Variants in ZNF677 observed in about 807,000 individuals in gnomAD.
The protein encoded by ZNF677 is zinc finger protein 677.
ZNF677 carries 5 observed loss-of-function variants against 8.1 expected under a neutral mutation model. The ratio of observed to expected loss-of-function variants is 0.62; its 90% CI spans 0.32 to 1.29. The LOEUF (loss-of-function observed/expected upper bound fraction) is 1.29, where lower values mean the gene tolerates loss of function less well. Among genes scored for constraint, ZNF677 ranks in the 50% most tolerant of loss-of-function variants. The pLI, the probability that ZNF677 is intolerant of heterozygous loss-of-function variation, is 0.05. For missense variants in ZNF677, 685 were observed against 685.9 expected (o/e 1.00, Z 0.01); for synonymous variants, 221 against 225.6 (o/e 0.98, Z 0.18).
In ZNF677 at chr19:53,237,643, G is replaced by C. The variant is rs1480795074; in HGVS notation, c.1084C>G (p.Leu362Val). Residue 362 changes from leucine to valine, a missense_variant, in exon 5 of 5, where the codon CTT (leucine) becomes GTT (valine). Leu to Val is a conservative substitution (Grantham distance 32). Transcript: ENST00000598513. The stretch of plus-strand genomic sequence containing the variant: ...GTATGAATTCTTTCATGACCCCAAA[G>C]GTGTGAACGCTGGATAAATGCCTTA... ...CGKAFIQRSH[L>V]WGHERIHTGE... 1.6e-5 allele frequency: 26 copies of C among 1,613,350 alleles called. No individual in the cohort carries two copies. The highest frequency in any genetic ancestry group is 2.2e-5 in the Non-Finnish European group (26 of 1,179,760).
rs2090996642 is a variant in ZNF677, at chr19:53,238,213, G to A, written c.514C>T (p.Leu172=). The change falls in exon 5 of 5, where the codon CTG becomes TTG. Residue 172 remains leucine (L), a synonymous_variant. Coordinates refer to ENST00000598513, the MANE Select transcript of ZNF677 (RefSeq NM_182609.4). ...CCGGCATACCTTATGTTATTTTTCA[G>A]TTTTAACAAATTCCTTATAAATGGC... ...DKPFIRNLLK[L]KNNIRYAGNK... 3 of 1,613,674 alleles carry A rather than the reference G, an allele frequency of 1.9e-6. No individual in the cohort carries two copies. In the African/African-American group the frequency reaches 4.0e-5, roughly 22 times the overall value.
At position 53,242,440 on chromosome 19, in the gene ZNF677, C is replaced by A. The variant is rs554463204; in HGVS notation, c.169+1304G>T. On this transcript the variant is annotated intron_variant, in intron 4 of 4. Coordinates refer to ENST00000598513, the MANE Select transcript of ZNF677 (RefSeq NM_182609.4). ...CTGTCCACAGGCTGCAAGGTGAGAA[C>A]CTAAAAGAATGAGATATATTCCCAT... The A allele has an allele frequency of 3.3e-5, 13 of 398,496 alleles. 1 individual carries two copies. In the South Asian group the frequency reaches 1.5e-3, roughly 47 times the overall value. The allele number at this position is 398,496 out of a possible 1,614,324, so 24.7% of individuals were successfully genotyped here.
intron 4 of ZNF677, chr19:53,243,478 C>T: frequency 4.0e-6 from 2 of 499,500 alleles, no homozygotes; most frequent in African/African-American, 2.0e-5. Context: ...GGGATAAAAC[C>T]ATGATACCAG....
rs2091235191 is a variant in ZNF677 at position 53,251,613 on chromosome 19, T to TA, written c.-55-9_-55-8insT. 8.7e-6 allele frequency: 14 copies of TA among 1,608,200 alleles called. No individual in the cohort carries two copies. Among genetic ancestry groups the TA allele is most frequent in the Middle Eastern group, 1.6e-4 (1 of 6,074 alleles). ...TTTCTCAGGTAAGTCAGTCTGTATG[T>TA]CAAAAATATGTTGTTTAATGCTTAA... On this transcript the variant is annotated splice_polypyrimidine_tract_variant and intron_variant, in intron 2 of 4. Coordinates refer to ENST00000598513, the MANE Select transcript of ZNF677 (RefSeq NM_182609.4).
At chr19:53,241,292 ACTG>A (rs2091045819) in intron 4 of ZNF677, 1 of 152,226 alleles carries the variant, frequency 6.6e-6, no homozygotes, top group African/African-American at 2.4e-5. Context: ...AAAACATGTA[ACTG>A]CTGATTAAAT....
Position 53,245,504 on chromosome 19 carries a change from A to G in ZNF677, c.16-1607T>C, listed in dbSNP as rs1048258700. ...CATTTTTTCCAAAGAGAATATAAAA[A>G]TGGCCATTAGGTACATGAAAAGGTG... On this transcript the variant is annotated intron_variant, in intron 3 of 4. Transcript: ENST00000598513. Among the ~76,000 whole-genome samples, 4 of 152,186 alleles carry G rather than the reference A, an allele frequency of 2.6e-5. No individual in the cohort carries two copies. In the East Asian group the frequency reaches 5.8e-4, roughly 22 times the overall value.
intron 2 of ZNF677, among the ~76,000 whole-genome samples, chr19:53,252,353 G>C (rs2091248405): frequency 6.6e-6 from 1 of 152,158 alleles, no homozygotes; most frequent in African/African-American, 2.4e-5. Context: ...CCACGTTACA[G>C]GTGGGCACAC....
intron 1 of ZNF677, among the ~76,000 whole-genome samples, chr19:53,254,321 A>G (rs532304687): frequency 1.3e-5 from 2 of 148,822 alleles, no homozygotes; most frequent in East Asian, 4.0e-4. Context: ...CTTTCTGCTC[A>G]TTTGGCTTCC....
At chr19:53,242,702 A>G (rs546722337) in intron 4 of ZNF677, 28 of 309,404 alleles carry the variant, frequency 9.0e-5, no homozygotes, top group African/African-American at 5.6e-4. Flanking sequence ...TCTTGCAGGT[A>G]TAAGAAATAG....
At chr19:53,250,354 G>A (rs1256409455) in intron 3 of ZNF677, among the ~76,000 whole-genome samples, 1 of 152,128 alleles carries the variant, frequency 6.6e-6, no homozygotes, top group African/African-American at 2.4e-5. Context: ...CCCATCATGC[G>A]TGCATGAACA....
In ZNF677 at chr19:53,237,188, T is replaced by G; in HGVS notation, c.1539A>C (p.Lys513Asn). ...TQHKKIHTGE[K>N]PYKCTECGKA... is the part of the protein sequence containing the mutation. ...TGCCACATTCAGTACATTTGTAAGGTTTCTCTCCAGTATGGATTTTCTTAT... is the reference window on the plus strand; with the variant it reads ...TGCCACATTCAGTACATTTGTAAGGGTTCTCTCCAGTATGGATTTTCTTAT... Residue 513 changes from lysine (K) to asparagine (N), a missense_variant, in exon 5 of 5, where the codon AAA (lysine) becomes AAC (asparagine). Lys to Asn is a moderately conservative substitution (Grantham distance 94). Transcript: ENST00000598513. The G allele has an allele frequency of 1.2e-6, 2 of 1,612,682 alleles. No individual in the cohort carries two copies. Among genetic ancestry groups the G allele is most frequent in the South Asian group, 2.2e-5 (2 of 91,034 alleles).
chr19:53,251,655 G>A (rs777053459), intron 2 of ZNF677, 50 bp from the exon 3 acceptor site: 2 of 1,351,472 alleles, frequency 1.5e-6, no homozygotes, highest in Admixed American at 1.9e-5. Context: ...CACACCCCCT[G>A]CCTCTACCAC....
intron 3 of ZNF677, among the ~76,000 whole-genome samples, chr19:53,245,281 A>G (rs2091117989): frequency 6.6e-6 from 1 of 152,214 alleles, no homozygotes; most frequent in Non-Finnish European, 1.5e-5. Flanking sequence ...GACCAGTGGG[A>G]CTACATCAAA....
intron 2 of ZNF677, among the ~76,000 whole-genome samples, 167 bp downstream of exon 2, chr19:53,252,919 A>C (rs2146973535): frequency 6.6e-6 from 1 of 152,340 alleles, no homozygotes; most frequent in Non-Finnish European, 1.5e-5. Flanking sequence ...CCAAAAACTT[A>C]ACTACTGATA....
At chr19:53,242,276 G>T (rs371438262) in intron 4 of ZNF677, 6 of 398,588 alleles carry the variant, frequency 1.5e-5, no homozygotes, top group Middle Eastern at 6.3e-4. Context: ...AATCTTAGAA[G>T]AATATGGAAT....
chr19:53,238,319 A>G lies in ZNF677; in HGVS notation c.408T>C (p.His136=). 6.2e-7 allele frequency: 1 copy of G among 1,613,494 alleles called. No homozygotes were observed. Among genetic ancestry groups the G allele is most frequent in the Non-Finnish European group, 8.5e-7 (1 of 1,179,708 alleles). Residue 136 remains histidine (H), a synonymous_variant, in exon 5 of 5, where the codon CAT becomes CAC. Transcript: ENST00000598513. ...KNLTHRKDQQ[H]NKSSIHFSLK... ...AAGAGAAATGTATTGAGGATTTATTATGTTGTTGATCTTTTCTGTGAGTGA... is the reference window on the plus strand; with the variant it reads ...AAGAGAAATGTATTGAGGATTTATTGTGTTGTTGATCTTTTCTGTGAGTGA...
rs2090987464 is a variant in ZNF677, at chr19:53,237,682, A to G, written c.1045T>C (p.Cys349Arg). Residue 349 changes from cysteine to arginine, a missense_variant, in exon 5 of 5, where the codon TGT becomes CGT. Transcript: ENST00000598513. The stretch of plus-strand genomic sequence containing the variant: ...ATAAATGCCTTACCACATTCATTAC[A>G]TTTGTAAGGTTTCTCTCCAGTATGC... ...RMHTGEKPYKCNECGKAFIQR... is the reference protein window; with the variant it reads ...RMHTGEKPYKRNECGKAFIQR... 1.9e-6 allele frequency: 3 copies of G among 1,613,120 alleles called. No individual in the cohort carries two copies. Among genetic ancestry groups the G allele is most frequent in the Non-Finnish European group, 2.5e-6 (3 of 1,179,578 alleles).
rs1568688959 is a variant in ZNF677 at position 53,238,082 on chromosome 19, A to AT, written c.644dup (p.Asn215LysfsTer4). On this transcript the variant is annotated frameshift_variant, in exon 5 of 5. Coordinates refer to ENST00000598513, the MANE Select transcript of ZNF677 (RefSeq NM_182609.4). LOFTEE classifies it low-confidence loss of function (END_TRUNC). Reference sequence around the variant, plus strand: ...AACTATTGATAGACTTCTCAACTGGATTACATTCATACATTTTCTCCCCAG... The same window carrying AT: ...AACTATTGATAGACTTCTCAACTGGATTTACATTCATACATTTTCTCCCCAG... The AT allele has an allele frequency of 6.2e-7, 1 of 1,614,076 alleles. No homozygotes were observed. The highest frequency in any genetic ancestry group is 8.5e-7 in the Non-Finnish European group (1 of 1,179,966).
intron 3 of ZNF677, among the ~76,000 whole-genome samples, chr19:53,251,122 A>T (rs2914373): frequency 0.74 from 112,450 of 152,136 alleles, 42,107 homozygotes; most frequent in African/African-American, 0.86. Context: ...GTTTCCCCCA[A>T]CAGTCTTCTT....
Sources: allele counts gnomAD v4.1 joint callset (sites outside exome capture counted in the v4.1 genomes callset), GRCh38; gene constraint gnomAD v4.1.1; transcripts MANE v1.5; gene names NCBI Gene and HGNC (gene_info 2026-07-23, HGNC 2026-07-21).